Variants in CSMD1 observed in about 807,000 individuals in gnomAD.
The protein encoded by CSMD1 is CUB and sushi domain-containing protein 1.
A neutral mutation model predicts 417.5 loss-of-function variants in CSMD1; 213 were observed. The ratio of observed to expected loss-of-function variants is 0.51; its 90% CI spans 0.46 to 0.57. The LOEUF is 0.57. CSMD1 is among the 20% of genes least tolerant of loss of function. CSMD1 has a pLI of 0.00. For synonymous variants in CSMD1, 2,862 were observed against 1,736.8 expected, an observed-to-expected ratio of 1.65 and a Z score of -16.11; for missense variants, 6,923 against 4,529.7, an observed-to-expected ratio of 1.53 and a Z score of -15.17.
chr8:3,674,127 T>C (rs994067322), intron 7 of CSMD1, among the ~76,000 whole-genome samples: 2 of 151,804 alleles, frequency 1.3e-5, no homozygotes, highest in Admixed American at 6.6e-5. Context: ...AAAATCTCCC[T>C]AGAAACTGTC....
intron 5 of CSMD1, among the ~76,000 whole-genome samples, chr8:3,786,951 A>G (rs1799486906): frequency 6.6e-6 from 1 of 152,140 alleles, no homozygotes; most frequent in South Asian, 2.1e-4. Flanking sequence ...TTGGATGGAC[A>G]CCGGCATTCA....
chr8:4,909,913 G>A (rs1805550515), intron 1 of CSMD1, among the ~76,000 whole-genome samples: 1 of 152,142 alleles, frequency 6.6e-6, no homozygotes, highest in South Asian at 2.1e-4. Flanking sequence ...TTATGAGGAT[G>A]GGAGTGAGCC....
intron 10 of CSMD1, among the ~76,000 whole-genome samples, chr8:3,495,869 C>T (rs1191494572): frequency 2.0e-5 from 3 of 152,164 alleles, no homozygotes; most frequent in African/African-American, 7.2e-5. Flanking sequence ...TGTCCTGGAG[C>T]TGGATGCTCC....
chr8:4,444,625 G>A (rs1585085704), intron 2 of CSMD1, among the ~76,000 whole-genome samples: 2 of 152,250 alleles, frequency 1.3e-5, no homozygotes, highest in African/African-American at 2.4e-5. Flanking sequence ...GATGCCATCT[G>A]TAAACATGGT....
intron 4 of CSMD1, among the ~76,000 whole-genome samples, chr8:4,026,692 C>G (rs1221094205): frequency 1.3e-5 from 2 of 152,296 alleles, no homozygotes; most frequent in South Asian, 2.1e-4. Context: ...AGCAATCAGA[C>G]AAATGCTATC....
chr8:4,335,427 G>C (rs370699649), intron 3 of CSMD1, among the ~76,000 whole-genome samples: 2 of 152,198 alleles, frequency 1.3e-5, no homozygotes, highest in East Asian at 3.9e-4. Flanking sequence ...AAACACACCA[G>C]AAACTCGTTA....
chr8:4,948,564 A>G (rs1010759878), intron 1 of CSMD1, among the ~76,000 whole-genome samples: 1 of 152,060 alleles, frequency 6.6e-6, no homozygotes, highest in African/African-American at 2.4e-5. Context: ...AAATTTATTC[A>G]TAGTACCTTT....
At chr8:3,518,770 T>A (rs1797384710) in intron 10 of CSMD1, among the ~76,000 whole-genome samples, 1 of 151,066 alleles carries the variant, frequency 6.6e-6, no homozygotes, top group Non-Finnish European at 1.5e-5. Flanking sequence ...ATGCTCTGTT[T>A]GTTAGAATTA....
intron 5 of CSMD1, among the ~76,000 whole-genome samples, chr8:3,980,197 A>C (rs1813744537): frequency 6.6e-6 from 1 of 152,212 alleles, no homozygotes; most frequent in South Asian, 2.1e-4. Context: ...TTTCACAATC[A>C]AAATTAGCTA....
chr8:4,858,655 C>G (rs1456467949), intron 1 of CSMD1, among the ~76,000 whole-genome samples: 4 of 151,766 alleles, frequency 2.6e-5, no homozygotes, highest in Admixed American at 1.3e-4. Flanking sequence ...CGAGTGAACT[C>G]CCATTCACAA....
chr8:3,965,007 G>C (rs1156959213), intron 5 of CSMD1, among the ~76,000 whole-genome samples: 2 of 152,196 alleles, frequency 1.3e-5, no homozygotes, highest in Non-Finnish European at 2.9e-5. Context: ...TTTTTTCTGT[G>C]TATAAAGTAG....
chr8:3,216,405 T>G (rs911686879), intron 29 of CSMD1, among the ~76,000 whole-genome samples: 1 of 152,228 alleles, frequency 6.6e-6, no homozygotes, highest in African/African-American at 2.4e-5. Context: ...TTTCCCCTAT[T>G]GAAAATAAAA....
intron 12 of CSMD1, among the ~76,000 whole-genome samples, chr8:3,431,982 C>G (rs80023176): frequency 1.3e-5 from 2 of 152,140 alleles, no homozygotes; most frequent in Non-Finnish European, 2.9e-5. Flanking sequence ...ATCACAGACT[C>G]GAATGTGATC....
intron 12 of CSMD1, among the ~76,000 whole-genome samples, chr8:3,420,941 T>G (rs551549184): frequency 6.6e-6 from 1 of 152,226 alleles, no homozygotes; most frequent in African/African-American, 2.4e-5. Context: ...TAATCAGAAT[T>G]TATTATATAT....
intron 37 of CSMD1, among the ~76,000 whole-genome samples, chr8:3,175,246 G>A (rs1269840233): frequency 1.3e-5 from 2 of 152,124 alleles, no homozygotes; most frequent in Non-Finnish European, 2.9e-5. Flanking sequence ...ACCTGGTAAA[G>A]AAATAGCGTC....
At chr8:4,013,326 G>C (rs781293257) in intron 4 of CSMD1, among the ~76,000 whole-genome samples, 16 of 152,020 alleles carry the variant, frequency 1.1e-4, no homozygotes, top group Non-Finnish European at 1.2e-4. Context: ...CTCACCGTAC[G>C]CTGTTGTCTC....
intron 2 of CSMD1, among the ~76,000 whole-genome samples, chr8:4,621,278 C>G (rs1356917353): frequency 1.3e-5 from 2 of 151,864 alleles, no homozygotes; most frequent in Non-Finnish European, 2.9e-5. Flanking sequence ...CAATTTTAAA[C>G]AATATTTTAA....
At chr8:4,776,779 C>G (rs929518054) in intron 1 of CSMD1, among the ~76,000 whole-genome samples, 2 of 152,194 alleles carry the variant, frequency 1.3e-5, no homozygotes, top group Middle Eastern at 6.8e-3. Context: ...TGTGAAAATA[C>G]AAGGAATATT....
chr8:4,972,437 A>T (rs940200970), intron 1 of CSMD1, among the ~76,000 whole-genome samples: 3 of 152,166 alleles, frequency 2.0e-5, no homozygotes, highest in Admixed American at 2.0e-4. Flanking sequence ...ATGGTTTTAT[A>T]AGTGTTTGGT....
Sources: allele counts gnomAD v4.1 joint callset (sites outside exome capture counted in the v4.1 genomes callset), GRCh38; gene constraint gnomAD v4.1.1; transcripts MANE v1.5; gene names NCBI Gene and HGNC (gene_info 2026-07-23, HGNC 2026-07-21).